Variants in SGIP1 observed in about 807,000 individuals in gnomAD.
SGIP1 encodes the protein SH3GL interacting endocytic adaptor 1, also known as SH3-containing GRB2-like protein 3-interacting protein 1.
Under a neutral mutation model 107.5 loss-of-function variants are expected in SGIP1, and 38 were observed. That is an observed-to-expected ratio of 0.35 (90% confidence interval 0.27 to 0.46). SGIP1 has a LOEUF of 0.46. SGIP1 is among the 20% of genes least tolerant of loss of function. The pLI, the probability that SGIP1 is intolerant of heterozygous loss-of-function variation, is 1.00. For synonymous variants in SGIP1, 365 were observed against 366.1 expected (o/e 1.00, Z 0.03); for missense variants, 929 against 1,019.5 (o/e 0.91, Z 1.21).
intron 1 of SGIP1, among the ~76,000 whole-genome samples, chr1:66,611,165 T>C (rs1293733935): frequency 3.3e-5 from 5 of 152,188 alleles, no homozygotes; most frequent in Admixed American, 2.6e-4. Flanking sequence ...AACCAAAATA[T>C]TTAATGTGAT....
At chr1:66,733,666 C>A (rs17129391) in intron 20 of SGIP1, 82 bp from the exon 21 acceptor site, 5 of 1,481,830 alleles carry the variant, frequency 3.4e-6, no homozygotes, top group Non-Finnish European at 4.6e-6. Flanking sequence ...ACATATCAGA[C>A]GACAATTTGC....
rs139937136 is a variant in SGIP1, at chr1:66,697,868, G to T, written c.1630+2375G>T. 3.6e-3 allele frequency among the ~76,000 whole-genome samples: 553 copies of T among 152,064 alleles called. 5 individuals are homozygous for T. Among genetic ancestry groups the T allele is most frequent in the African/African-American group, 0.012 (511 of 41,466 alleles). On this transcript the variant is annotated intron_variant, in intron 18 of 24. Transcript: ENST00000371037. ...TCCTTCAACATGCTTTATTAAATAGGATTTCTAACATATTCTTGTAGGGCA... is the reference window on the plus strand; with the variant it reads ...TCCTTCAACATGCTTTATTAAATAGTATTTCTAACATATTCTTGTAGGGCA...
rs181577860 is a variant in SGIP1, at chr1:66,749,629, A to G, written c.*6534A>G. Among the ~76,000 whole-genome samples, 1 of 152,136 alleles carries G rather than the reference A, an allele frequency of 6.6e-6. No individual in the cohort carries two copies. Among genetic ancestry groups the G allele is most frequent in the Admixed American group, 6.5e-5 (1 of 15,288 alleles). On this transcript the variant is annotated 3_prime_UTR_variant, in exon 25 of 25. Transcript: ENST00000371037. Reference sequence around the variant, plus strand: ...ATAGTTCAGTTTTTAATCCATCCAGAGTTTGTGAATCAGCCTGATAGATCA... The same window carrying G: ...ATAGTTCAGTTTTTAATCCATCCAGGGTTTGTGAATCAGCCTGATAGATCA...
chr1:66,737,253 C>A (rs2094295510), intron 21 of SGIP1, among the ~76,000 whole-genome samples: 1 of 152,158 alleles, frequency 6.6e-6, no homozygotes, highest in Admixed American at 6.5e-5. Flanking sequence ...TAATTATATA[C>A]ACTGCATGTA....
intron 4 of SGIP1, among the ~76,000 whole-genome samples, chr1:66,638,086 C>T (rs550531282): frequency 6.6e-6 from 1 of 151,926 alleles, no homozygotes. Context: ...TCCTTTTGAT[C>T]TCCTATCAAT....
At chr1:66,736,032 TG>T (rs2094218552) in intron 21 of SGIP1, among the ~76,000 whole-genome samples, 2 of 150,494 alleles carry the variant, frequency 1.3e-5, no homozygotes, top group South Asian at 4.1e-4. Context: ...AATCAAATGC[TG>T]GTTCTGAATT....
intron 11 of SGIP1, among the ~76,000 whole-genome samples, chr1:66,672,423 G>A (rs569129424): frequency 7.2e-5 from 11 of 152,290 alleles, no homozygotes; most frequent in African/African-American, 2.4e-4. Flanking sequence ...TTTTGGCAAA[G>A]CATTGTATTT....
In SGIP1 at chr1:66,561,338, A is replaced by G. The variant is rs74085109; in HGVS notation, c.10+26970A>G. On this transcript the variant is annotated intron_variant, in intron 1 of 24. Transcript: ENST00000371037. ...TTTATGCTACTTTTGATATGGGCAT[A>G]CATAGACTAAGGTGTTAAATGACTT... Among the ~76,000 whole-genome samples the G allele has an allele frequency of 2.1e-3, 327 of 152,182 alleles. 2 individuals are homozygous for G. Among genetic ancestry groups the G allele is most frequent in the African/African-American group, 7.2e-3 (299 of 41,560 alleles).
chr1:66,718,725 G>A (rs892324834), intron 18 of SGIP1, among the ~76,000 whole-genome samples: 1 of 152,024 alleles, frequency 6.6e-6, no homozygotes, highest in African/African-American at 2.4e-5. Flanking sequence ...GCATTTATGT[G>A]TTGTGGTAAG....
Position 66,611,831 on chromosome 1 carries a change from C to T in SGIP1, c.11-14016C>T, listed in dbSNP as rs72679018. 6.2e-3 allele frequency among the ~76,000 whole-genome samples: 941 copies of T among 152,106 alleles called. 9 individuals are homozygous for T. The highest frequency in any genetic ancestry group is 0.031 in the Middle Eastern group (9 of 294). ...AGTTTACTTGGAGAGGGAACGCTGGCAAAAGAACTGGCTGGGGAGGAAGAT... is the reference window on the plus strand; with the variant it reads ...AGTTTACTTGGAGAGGGAACGCTGGTAAAAGAACTGGCTGGGGAGGAAGAT... On this transcript the variant is annotated intron_variant, in intron 1 of 24. Transcript: ENST00000371037.
intron 1 of SGIP1, among the ~76,000 whole-genome samples, chr1:66,550,800 A>G (rs1380599192): frequency 6.6e-6 from 1 of 152,132 alleles, no homozygotes; most frequent in Non-Finnish European, 1.5e-5. Flanking sequence ...GACTGGCTCA[A>G]ATATTTAGGA....
intron 1 of SGIP1, among the ~76,000 whole-genome samples, chr1:66,559,810 CG>C (rs556709831): frequency 2.0e-5 from 3 of 151,814 alleles, no homozygotes; most frequent in East Asian, 1.9e-4. Flanking sequence ...GTTATTTAGC[CG>C]GGGGGGTGGA....
Position 66,594,768 on chromosome 1 carries a change from T to C in SGIP1, c.11-31079T>C, listed in dbSNP as rs1384037024. Among the ~76,000 whole-genome samples, 3 of 152,166 alleles carry C rather than the reference T, an allele frequency of 2.0e-5. 1 individual carries two copies. Among genetic ancestry groups the C allele is most frequent in the South Asian group, 4.1e-4 (2 of 4,832 alleles). ...TCCTAGCTTGGGTGGGTTGCTGATA[T>C]TCTCAAGTCCTCAGTCCTCATCTAT... On this transcript the variant is annotated intron_variant, in intron 1 of 24. Coordinates refer to ENST00000371037, the MANE Select transcript of SGIP1 (RefSeq NM_032291.4).
Position 66,720,192 on chromosome 1 carries a change from A to C in SGIP1, c.1742+787A>C, listed in dbSNP as rs569515879. ...GTGCATGTGTGCATTATTCTATAAA[A>C]AGAGTCTATAATAACATTTATCACT... is the stretch of plus-strand genomic sequence containing the variant. On this transcript the variant is annotated intron_variant, in intron 19 of 24. Coordinates refer to ENST00000371037, the MANE Select transcript of SGIP1 (RefSeq NM_032291.4). 3.3e-5 allele frequency among the ~76,000 whole-genome samples: 5 copies of C among 152,296 alleles called. 1 individual carries two copies. In the Middle Eastern group the frequency reaches 0.017, roughly 518 times the overall value.
At chr1:66,721,616 C>T (rs1332386750) in intron 19 of SGIP1, among the ~76,000 whole-genome samples, 2 of 152,144 alleles carry the variant, frequency 1.3e-5, no homozygotes, top group East Asian at 3.9e-4. Flanking sequence ...TTCATATTGC[C>T]CAGGCTGGTC....
At chr1:66,585,623 A>G (rs977140707) in intron 1 of SGIP1, among the ~76,000 whole-genome samples, 3 of 145,774 alleles carry the variant, frequency 2.1e-5, no homozygotes, top group African/African-American at 5.1e-5. Context: ...TTGTTATTTT[A>G]CACCCAGCTA....
At chr1:66,692,140 G>A (rs184605347) in intron 17 of SGIP1, among the ~76,000 whole-genome samples, 105 of 134,962 alleles carry the variant, frequency 7.8e-4, no homozygotes, top group Non-Finnish European at 1.3e-3. Context: ...CAGCCTAGGC[G>A]ACAGAGTGAG....
chr1:66,584,714 T>G (rs1162710484), intron 1 of SGIP1, among the ~76,000 whole-genome samples: 1 of 152,156 alleles, frequency 6.6e-6, no homozygotes, highest in Non-Finnish European at 1.5e-5. Flanking sequence ...TATGTTTAAT[T>G]AACAGAGAAC....
In SGIP1 at chr1:66,635,922, A is replaced by G. The variant is rs369960771; in HGVS notation, c.100-22A>G. On this transcript the variant is annotated intron_variant, in intron 3 of 24. Transcript: ENST00000371037. ...GCAGATCTTTTAACCACTTTTTTCT[A>G]CATGAAAACAATCAATTCCAGCAGC... 1.5e-4 allele frequency: 247 copies of G among 1,612,164 alleles called. 6 individuals are homozygous for G. The South Asian group carries it at 2.4e-3, about 16-fold the overall frequency.
Sources: gnomAD v4.1 joint callset for allele counts (sites outside exome capture counted in the v4.1 genomes callset) on GRCh38, gnomAD v4.1.1 for gene constraint, MANE v1.5 for transcripts, NCBI Gene and HGNC (gene_info 2026-07-23, HGNC 2026-07-21) for gene names.